The following ZFPM2 variants were observed in gnomAD, a reference collection of about 807,000 sequenced individuals.
The protein encoded by ZFPM2 is zinc finger protein ZFPM2.
ZFPM2 carries 20 observed loss-of-function variants against 98.6 expected under a neutral mutation model. The ratio of observed to expected loss-of-function variants is 0.20; its 90% CI spans 0.14 to 0.29. The LOEUF is 0.29. Ranked by LOEUF, ZFPM2 falls within the 10% of genes least tolerant of loss-of-function variation. ZFPM2 has a pLI of 1.00. For synonymous variants in ZFPM2, 518 were observed against 502.7 expected, an observed-to-expected ratio of 1.03 and a Z score of -0.41; for missense variants, 1,310 against 1,388.6, an observed-to-expected ratio of 0.94 and a Z score of 0.90.
chr8:105,473,748 A>G (rs1047528294), intron 3 of ZFPM2, among the ~76,000 whole-genome samples: 7 of 152,244 alleles, frequency 4.6e-5, no homozygotes, highest in Non-Finnish European at 4.4e-5. Flanking sequence ...TTAGACTTAG[A>G]AAAAAGTACT....
At position 105,622,923 on chromosome 8, in the gene ZFPM2, A is replaced by G. The variant is rs986496122; in HGVS notation, c.421-11323A>G. 5.3e-5 allele frequency among the ~76,000 whole-genome samples: 8 copies of G among 152,316 alleles called. No individual in the cohort carries two copies. In the South Asian group the frequency reaches 1.7e-3, roughly 32 times the overall value. ...CAAATATACAGTTTTTCTTTTAACT[A>G]CATGTTCTTTTCATAATGTGTGTTC... On this transcript the variant is annotated intron_variant, in intron 4 of 7. Transcript: ENST00000407775.
At chr8:105,416,282 T>G (rs554271828) in intron 1 of ZFPM2, among the ~76,000 whole-genome samples, 2 of 148,868 alleles carry the variant, frequency 1.3e-5, no homozygotes, top group South Asian at 2.1e-4. Flanking sequence ...ATACAATGAT[T>G]AAATTTAAAT....
intron 5 of ZFPM2, among the ~76,000 whole-genome samples, chr8:105,776,601 CTTAT>C (rs1188648304): frequency 6.6e-6 from 1 of 152,112 alleles, no homozygotes. Context: ...ATAAACAATT[CTTAT>C]TTATCTACTT....
At chr8:105,505,850 A>G (rs550874868) in intron 3 of ZFPM2, among the ~76,000 whole-genome samples, 10 of 152,300 alleles carry the variant, frequency 6.6e-5, no homozygotes, top group African/African-American at 2.2e-4. Context: ...TCAAATTCCA[A>G]TAATGGTAAA....
chr8:105,490,220 A>G (rs368581512), intron 3 of ZFPM2, among the ~76,000 whole-genome samples: 3 of 152,076 alleles, frequency 2.0e-5, no homozygotes, highest in African/African-American at 7.2e-5. Flanking sequence ...GCACTCCAGC[A>G]TGGGAGACAG....
At chr8:105,416,101 A>T (rs1201479265) in intron 1 of ZFPM2, among the ~76,000 whole-genome samples, 1 of 151,864 alleles carries the variant, frequency 6.6e-6, no homozygotes, top group African/African-American at 2.4e-5. Context: ...TAATATTAAG[A>T]TCTTATCAAA....
At chr8:105,760,225 T>G (rs2958710) in intron 5 of ZFPM2, among the ~76,000 whole-genome samples, 68,784 of 151,638 alleles carry the variant, frequency 0.45, 16,659 homozygotes, top group African/African-American at 0.63. Flanking sequence ...GGAGCATAAT[T>G]AAAGAGGAAA....
In ZFPM2 at chr8:105,444,329, G is replaced by A; in HGVS notation, c.249G>A (p.Gln83=). The change falls in exon 3 of 8, where the codon CAG becomes CAA. Residue 83 remains glutamine (Q), a synonymous_variant. Transcript: ENST00000407775. ...QETAESDGDT[Q]SEKPGQPGVE... ...CAGCAGAATCAGATGGGGACACACAGTCAGAGAAACCGGGGCAACCTGGAG... is the reference window on the plus strand; with the variant it reads ...CAGCAGAATCAGATGGGGACACACAATCAGAGAAACCGGGGCAACCTGGAG... The A allele has an allele frequency of 1.2e-6, 2 of 1,612,556 alleles. No individual in the cohort carries two copies. Among genetic ancestry groups the A allele is most frequent in the South Asian group, 1.1e-5 (1 of 90,494 alleles).
chr8:105,611,686 A>G (rs1816309734), intron 4 of ZFPM2, among the ~76,000 whole-genome samples: 1 of 151,230 alleles, frequency 6.6e-6, no homozygotes, highest in African/African-American at 2.4e-5. Flanking sequence ...CCTTTAACAA[A>G]TTAACAAAAA....
chr8:105,582,294 G>T (rs916376365), intron 4 of ZFPM2, among the ~76,000 whole-genome samples: 29 of 152,158 alleles, frequency 1.9e-4, no homozygotes, highest in African/African-American at 6.5e-4. Flanking sequence ...TCTTCAGAAT[G>T]GTTAGTAGAA....
At chr8:105,502,111 G>A (rs897652465) in intron 3 of ZFPM2, among the ~76,000 whole-genome samples, 1 of 152,096 alleles carries the variant, frequency 6.6e-6, no homozygotes, top group Non-Finnish European at 1.5e-5. Flanking sequence ...CAAATTAGAT[G>A]TTCAACTTTA....
At chr8:105,441,457 A>AGGAAGGAAGGAAGGAAGGAAG (rs1563659926) in intron 2 of ZFPM2, among the ~76,000 whole-genome samples, 2 of 81,826 alleles carry the variant, frequency 2.4e-5, no homozygotes, top group Admixed American at 1.4e-4. Context: ...AGAGAGAGAA[A>AGGAAGGAAGGAAGGAAGGAAG]GAAAGAAAGA....
chr8:105,661,122 T>C (rs965493973), intron 5 of ZFPM2, among the ~76,000 whole-genome samples: 10 of 152,140 alleles, frequency 6.6e-5, no homozygotes, highest in African/African-American at 2.2e-4. Context: ...ATCTATAATT[T>C]TGACAAAAAG....
intron 5 of ZFPM2, 33 bp from the exon 6 acceptor site, chr8:105,788,682 TGTC>T (rs1813495118): frequency 3.1e-6 from 5 of 1,599,110 alleles, no homozygotes; most frequent in Non-Finnish European, 4.3e-6. Flanking sequence ...AAGCATCCTA[TGTC>T]AATTTTATCT....
chr8:105,489,891 G>A (rs1217155371), intron 3 of ZFPM2, among the ~76,000 whole-genome samples: 1 of 152,026 alleles, frequency 6.6e-6, no homozygotes, highest in East Asian at 1.9e-4. Flanking sequence ...TTTTAACAAA[G>A]GGGACTCACA....
intron 4 of ZFPM2, among the ~76,000 whole-genome samples, chr8:105,604,396 A>C (rs1285799912): frequency 6.6e-6 from 1 of 152,008 alleles, no homozygotes; most frequent in East Asian, 1.9e-4. Flanking sequence ...TTGTCCCACA[A>C]AGACTGGTCA....
intron 1 of ZFPM2, among the ~76,000 whole-genome samples, chr8:105,359,668 C>A (rs1160120084): frequency 6.6e-6 from 1 of 152,080 alleles, no homozygotes; most frequent in Non-Finnish European, 1.5e-5. Flanking sequence ...GCCACCGCGC[C>A]CGGCCCCACT....
intron 1 of ZFPM2, among the ~76,000 whole-genome samples, chr8:105,369,628 T>A (rs1319022953): frequency 2.0e-5 from 3 of 152,152 alleles, no homozygotes. Context: ...GTTGTAACAA[T>A]CTTCTCTTTG....
intron 5 of ZFPM2, among the ~76,000 whole-genome samples, chr8:105,748,625 T>C (rs1005197159): frequency 2.0e-5 from 3 of 152,052 alleles, no homozygotes; most frequent in Admixed American, 6.6e-5. Context: ...ATAGGTTATG[T>C]GGCTCACCTC....
Sources: allele counts gnomAD v4.1 joint callset (sites outside exome capture counted in the v4.1 genomes callset), GRCh38; gene constraint gnomAD v4.1.1; transcripts MANE v1.5; gene names NCBI Gene and HGNC (gene_info 2026-07-23, HGNC 2026-07-21).